Variants in CNTN5 observed in about 807,000 individuals in gnomAD.
CNTN5 encodes contactin 5, also known as contactin-5.
In CNTN5, 77 loss-of-function variants were observed where a neutral mutation model predicts 129.1. That is an observed-to-expected ratio of 0.60 (90% CI 0.50 to 0.72). The LOEUF is 0.72. Ranked by LOEUF, CNTN5 falls within the 30% of genes least tolerant of loss-of-function variation. CNTN5 has a pLI of 0.00. For missense variants in CNTN5, 1,478 were observed against 1,328.8 expected (o/e 1.11, Z -1.75); for synonymous variants, 509 against 465.6 (o/e 1.09, Z -1.20).
At chr11:99,103,894 G>A (rs1197200102) in intron 1 of CNTN5, among the ~76,000 whole-genome samples, 1 of 152,120 alleles carries the variant, frequency 6.6e-6, no homozygotes, top group Non-Finnish European at 1.5e-5. Context: ...AGGTGGAAGA[G>A]TCAAGGAAAA....
In CNTN5 at chr11:100,191,108, T is replaced by G; in HGVS notation, c.1581-18T>G. On this transcript the variant is annotated intron_variant, in intron 13 of 24. Transcript: ENST00000524871. ...TGCAGTAAAACAGAAAAAAAAACTG[T>G]TTTTAAATAATTTTCAGAATAGCTA... 1 of 1,563,052 alleles carries G rather than the reference T, an allele frequency of 6.4e-7. No homozygotes were observed. The highest frequency in any genetic ancestry group is 1.2e-5 in the South Asian group (1 of 83,930).
chr11:99,126,382 G>T (rs866060353), intron 1 of CNTN5, among the ~76,000 whole-genome samples: 1 of 152,172 alleles, frequency 6.6e-6, no homozygotes, highest in African/African-American at 2.4e-5. Flanking sequence ...GCTCCTCTGT[G>T]TCATACTTTC....
chr11:99,263,212 T>C (rs1862725876), intron 1 of CNTN5, among the ~76,000 whole-genome samples: 1 of 152,086 alleles, frequency 6.6e-6, no homozygotes, highest in African/African-American at 2.4e-5. Flanking sequence ...GTGTTTCCTG[T>C]GTGATGCCAA....
intron 13 of CNTN5, among the ~76,000 whole-genome samples, chr11:100,183,684 T>C (rs561536642): frequency 4.6e-4 from 70 of 152,236 alleles, no homozygotes; most frequent in African/African-American, 1.6e-3. Context: ...CATATGTTTA[T>C]TATCTTCACT....
At chr11:99,142,556 C>T (rs552708519) in intron 1 of CNTN5, among the ~76,000 whole-genome samples, 1 of 152,146 alleles carries the variant, frequency 6.6e-6, no homozygotes, top group South Asian at 2.1e-4. Flanking sequence ...CAGAAAGAGC[C>T]CCTGGGAAAG....
Position 100,299,755 on chromosome 11 carries a change from A to C in CNTN5, c.2620+359A>C, listed in dbSNP as rs148507780. Among the ~76,000 whole-genome samples the C allele has an allele frequency of 7.4e-3, 1,129 of 151,552 alleles. 22 individuals carry two copies. The highest frequency in any genetic ancestry group is 0.026 in the African/African-American group (1,063 of 41,434). On this transcript the variant is annotated intron_variant, in intron 20 of 24. Transcript: ENST00000524871. The stretch of plus-strand genomic sequence containing the variant: ...TTTTATATTTTTCAATATATATGTA[A>C]AGTAGATTTAAATAAATGCTTCATT...
intron 4 of CNTN5, among the ~76,000 whole-genome samples, chr11:99,826,639 C>G (rs1946967944): frequency 6.6e-6 from 1 of 152,056 alleles, no homozygotes; most frequent in African/African-American, 2.4e-5. Context: ...ATCATGTGTT[C>G]AATGGCAAAG....
At position 99,819,607 on chromosome 11, in the gene CNTN5, G is replaced by A. The variant is rs780502497; in HGVS notation, c.119G>A (p.Ser40Asn). The change falls in exon 4 of 25, where the codon AGT becomes AAT. Residue 40 changes from serine (S) to asparagine (N), a missense_variant. Physicochemically the swap from Ser to Asn is conservative, Grantham distance 46 (BLOSUM62 1). Coordinates refer to ENST00000524871, the MANE Select transcript of CNTN5 (RefSeq NM_014361.4). The stretch of plus-strand genomic sequence containing the variant: ...GCTGCTTTGTTAAGAATTAAGAAGA[G>A]TTCATCTTCATCTCTCTTTGGTTCC... ...SYAALLRIKK[S>N]SSSSLFGSKT... 9.3e-6 allele frequency: 15 copies of A among 1,612,992 alleles called. No individual in the cohort carries two copies. Among genetic ancestry groups the A allele is most frequent in the Middle Eastern group, 1.6e-4 (1 of 6,062 alleles).
intron 10 of CNTN5, among the ~76,000 whole-genome samples, chr11:100,064,895 G>A (rs979256063): frequency 3.9e-5 from 6 of 152,000 alleles, no homozygotes; most frequent in Non-Finnish European, 8.8e-5. Context: ...CATTTAAGCA[G>A]TTTTATAAGG....
At chr11:99,566,056 T>C (rs1333840105) in intron 3 of CNTN5, among the ~76,000 whole-genome samples, 1 of 152,212 alleles carries the variant, frequency 6.6e-6, no homozygotes, top group Non-Finnish European at 1.5e-5. Context: ...GTTTGTCTTC[T>C]GCAAATCTCG....
intron 3 of CNTN5, among the ~76,000 whole-genome samples, chr11:99,588,160 G>A (rs1484676952): frequency 6.6e-6 from 1 of 152,070 alleles, no homozygotes; most frequent in Non-Finnish European, 1.5e-5. Context: ...TGGCTAACAC[G>A]GTGAAACCCC....
intron 1 of CNTN5, among the ~76,000 whole-genome samples, chr11:99,194,669 G>A (rs768799366): frequency 4.6e-5 from 7 of 152,074 alleles, no homozygotes; most frequent in South Asian, 2.1e-4. Flanking sequence ...GCAGTGGCCC[G>A]ATCTCGGCTC....
intron 3 of CNTN5, among the ~76,000 whole-genome samples, chr11:99,797,067 T>C (rs957611165): frequency 6.6e-6 from 1 of 152,046 alleles, no homozygotes; most frequent in African/African-American, 2.4e-5. Context: ...ATCTGTGTCC[T>C]GGGCCCTTGG....
intron 13 of CNTN5, among the ~76,000 whole-genome samples, chr11:100,152,162 C>A (rs1402604993): frequency 6.6e-6 from 1 of 152,138 alleles, no homozygotes; most frequent in South Asian, 2.1e-4. Context: ...ACTTCTACAG[C>A]GACTCATTTG....
At chr11:99,643,794 A>C (rs1951853406) in intron 3 of CNTN5, among the ~76,000 whole-genome samples, 1 of 151,980 alleles carries the variant, frequency 6.6e-6, no homozygotes. Context: ...AGTAACATAT[A>C]TTTAGAAAAA....
chr11:99,667,944 TAAAG>T (rs1204580756), intron 3 of CNTN5, among the ~76,000 whole-genome samples: 2 of 91,962 alleles, frequency 2.2e-5, no homozygotes, highest in Non-Finnish European at 5.2e-5. Flanking sequence ...TCCTGAAACT[TAAAG>T]CAAAAGAAAA....
At chr11:99,324,368 T>C (rs1310127473) in intron 1 of CNTN5, among the ~76,000 whole-genome samples, 1 of 152,152 alleles carries the variant, frequency 6.6e-6, no homozygotes, top group Non-Finnish European at 1.5e-5. Context: ...GCATAAATGC[T>C]CTATAAACAT....
chr11:99,380,234 A>C (rs1350534558), intron 2 of CNTN5, among the ~76,000 whole-genome samples: 1 of 152,076 alleles, frequency 6.6e-6, no homozygotes, highest in Non-Finnish European at 1.5e-5. Flanking sequence ...TGATGTTTAT[A>C]CTTTTTTTCA....
At chr11:99,956,290 A>C (rs1191568003) in intron 7 of CNTN5, among the ~76,000 whole-genome samples, 2 of 152,166 alleles carry the variant, frequency 1.3e-5, no homozygotes, top group Non-Finnish European at 2.9e-5. Context: ...TTAATTTAGA[A>C]GTTAAACTAA....
Sources: gnomAD v4.1 joint callset for allele counts (sites outside exome capture counted in the v4.1 genomes callset) on GRCh38, gnomAD v4.1.1 for gene constraint, MANE v1.5 for transcripts, NCBI Gene and HGNC (gene_info 2026-07-23, HGNC 2026-07-21) for gene names.